ABAT: variants seen among roughly 807,000 people sequenced by gnomAD.
ABAT encodes the protein 4-aminobutyrate aminotransferase, mitochondrial.
In ABAT, 45 loss-of-function variants were observed where a neutral mutation model predicts 64.6. The ratio of observed to expected loss-of-function variants is 0.70; its 90% CI spans 0.55 to 0.89. ABAT has a LOEUF of 0.89. Ranked by LOEUF, ABAT falls within the 40% of genes least tolerant of loss-of-function variation. The probability of loss-of-function intolerance (pLI) is 0.00; values close to 1 mark genes in which losing one functional copy is unlikely to be tolerated. For synonymous variants in ABAT, 297 were observed against 250.5 expected (o/e 1.19, Z -1.75); for missense variants, 633 against 658.4 (o/e 0.96, Z 0.42).
chr16:8,738,350 A>G (rs555148846), intron 2 of ABAT: 12 of 452,346 alleles, frequency 2.7e-5, no homozygotes, highest in Admixed American at 1.4e-4. Flanking sequence ...TAAAGACACT[A>G]AGAAACTGAC....
chr16:8,757,621 A>G (rs1357857289), intron 5 of ABAT, 136 bp from the exon 6 acceptor site: 17 of 988,082 alleles, frequency 1.7e-5, no homozygotes, highest in African/African-American at 1.4e-4. Flanking sequence ...CTTTTTGTCA[A>G]CAAAGGATAA....
At chr16:8,720,328 C>G (rs575652659) in intron 1 of ABAT, among the ~76,000 whole-genome samples, 38 of 152,356 alleles carry the variant, frequency 2.5e-4, no homozygotes, top group Non-Finnish European at 4.1e-4. Context: ...CCCAGCCACA[C>G]TTTAGACCCA....
chr16:8,726,433 G>GT (rs111692206), intron 1 of ABAT, among the ~76,000 whole-genome samples: 16 of 151,574 alleles, frequency 1.1e-4, no homozygotes, highest in African/African-American at 2.9e-4. Context: ...GATGATTTTT[G>GT]TTTTTTGTAG....
chr16:8,682,186 T>C (rs189066791), intron 1 of ABAT, among the ~76,000 whole-genome samples: 1,944 of 131,552 alleles, frequency 0.015, 42 homozygotes, highest in African/African-American at 0.05. Flanking sequence ...CCTAACAGGA[T>C]ACACACACAC....
chr16:8,757,484 TG>T (rs2059681492), intron 5 of ABAT, among the ~76,000 whole-genome samples: 2 of 152,138 alleles, frequency 1.3e-5, no homozygotes, highest in African/African-American at 4.8e-5. Flanking sequence ...TCTCACCTTA[TG>T]TTTATGTAGT....
At chr16:8,780,012 G>A (rs551270624) in intron 15 of ABAT, among the ~76,000 whole-genome samples, 1 of 152,288 alleles carries the variant, frequency 6.6e-6, no homozygotes, top group East Asian at 1.9e-4. Context: ...AGGAAATCAG[G>A]GCAGGCTCCC....
intron 1 of ABAT, among the ~76,000 whole-genome samples, chr16:8,725,667 G>T (rs561353813): frequency 6.6e-6 from 1 of 152,266 alleles, no homozygotes; most frequent in Admixed American, 6.5e-5. Flanking sequence ...TGTGAATAGT[G>T]CTGCTATGTG....
chr16:8,766,371 C>T lies in ABAT; in HGVS notation c.603+101C>T, dbSNP rs552515026. The T allele has an allele frequency of 2.2e-5, 26 of 1,199,724 alleles. No individual in the cohort carries two copies. In the East Asian group the frequency reaches 6.5e-4, roughly 30 times the overall value. 74.3% of individuals were successfully genotyped at this position (1,199,724 alleles called of 1,614,324 possible). ...GGCACTGTCCTCAATTAGGAAGGGC[C>T]AGGCCAGGCGCGGTGGCTCATGCCT... On this transcript the variant is annotated intron_variant, in intron 9 of 15. Coordinates refer to ENST00000268251, the MANE Select transcript of ABAT (RefSeq NM_020686.6).
At position 8,764,030 on chromosome 16, in the gene ABAT, G is replaced by T; in HGVS notation, c.367-39G>T. On this transcript the variant is annotated intron_variant, in intron 6 of 15. Coordinates refer to ENST00000268251, the MANE Select transcript of ABAT (RefSeq NM_020686.6). This position sits in a 1 kb window ranked among gnomAD's most constrained non-coding sequence, Gnocchi z 4.2. Reference sequence around the variant, plus strand: ...ATTTGTGGGCAGGGAGCTGGGTCAGGCCCCCAGAAGTCACCATTTGTCTCT... The same window carrying T: ...ATTTGTGGGCAGGGAGCTGGGTCAGTCCCCCAGAAGTCACCATTTGTCTCT... 1.3e-6 allele frequency: 2 copies of T among 1,561,846 alleles called. No individual in the cohort carries two copies. The highest frequency in any genetic ancestry group is 1.1e-5 in the South Asian group (1 of 89,986).
At chr16:8,712,475 A>G (rs149376511) in intron 1 of ABAT, among the ~76,000 whole-genome samples, 43 of 152,302 alleles carry the variant, frequency 2.8e-4, no homozygotes, top group African/African-American at 1.0e-3. Flanking sequence ...AAGTTTCATA[A>G]AAAATCATGG....
At chr16:8,763,107 A>G (rs1480997407) in intron 6 of ABAT, among the ~76,000 whole-genome samples, 2 of 145,860 alleles carry the variant, frequency 1.4e-5, no homozygotes, top group Non-Finnish European at 3.0e-5. Context: ...CCTGTAACAA[A>G]AAAAAAAAAA....
chr16:8,699,788 G>C (rs1294617743), intron 1 of ABAT, among the ~76,000 whole-genome samples: 1 of 149,766 alleles, frequency 6.7e-6, no homozygotes, highest in Non-Finnish European at 1.5e-5. Context: ...CTGGTGCAGT[G>C]AATATTTCCT....
intron 1 of ABAT, among the ~76,000 whole-genome samples, chr16:8,677,932 G>T (rs758747667): frequency 1.3e-5 from 2 of 152,000 alleles, no homozygotes; most frequent in Non-Finnish European, 2.9e-5. Flanking sequence ...GGTGGCATGC[G>T]CCTGTAGTCC....
At chr16:8,679,107 C>G (rs1043928416) in intron 1 of ABAT, among the ~76,000 whole-genome samples, 1 of 152,068 alleles carries the variant, frequency 6.6e-6, no homozygotes, top group Non-Finnish European at 1.5e-5. Flanking sequence ...TCACTTGAGC[C>G]CAGGAGTTTG....
At chr16:8,729,180 C>T (rs956721817) in intron 1 of ABAT, among the ~76,000 whole-genome samples, 3 of 150,982 alleles carry the variant, frequency 2.0e-5, no homozygotes, top group Non-Finnish European at 2.9e-5. Flanking sequence ...TGGCGGCGTT[C>T]GCCTGTAGTT....
intron 1 of ABAT, among the ~76,000 whole-genome samples, chr16:8,703,348 C>T (rs551186093): frequency 1.3e-5 from 2 of 151,622 alleles, no homozygotes; most frequent in East Asian, 1.9e-4. Context: ...CCCAGCTACT[C>T]GGGAGGCTGA....
At chr16:8,693,765 A>G (rs2057639007) in intron 1 of ABAT, among the ~76,000 whole-genome samples, 1 of 152,100 alleles carries the variant, frequency 6.6e-6, no homozygotes, top group Non-Finnish European at 1.5e-5. Context: ...CACCATGCCC[A>G]GCTTGTTTTT....
chr16:8,770,102 G>A (rs1022582082), intron 11 of ABAT, among the ~76,000 whole-genome samples: 6 of 152,088 alleles, frequency 3.9e-5, no homozygotes, highest in Admixed American at 3.3e-4. Context: ...TTTACACCCT[G>A]CCTGGAAACT....
chr16:8,679,620 C>T (rs1463951205), intron 1 of ABAT, among the ~76,000 whole-genome samples: 2 of 152,092 alleles, frequency 1.3e-5, no homozygotes, highest in African/African-American at 4.8e-5. Context: ...GTTCCGACCC[C>T]CAGTACTTAG....
Sources: gnomAD v4.1 joint callset for allele counts (sites outside exome capture counted in the v4.1 genomes callset) on GRCh38, gnomAD v4.1.1 for gene constraint, Gnocchi (gnomAD v3.1) non-coding constraint, MANE v1.5 for transcripts, NCBI Gene and HGNC (gene_info 2026-07-23, HGNC 2026-07-21) for gene names.